Variants in GTF2IRD2B observed in about 807,000 individuals in gnomAD.
GTF2IRD2B encodes the protein general transcription factor II-I repeat domain-containing protein 2B.
A neutral mutation model predicts 55.6 loss-of-function variants in GTF2IRD2B; 10 were observed. The observed-to-expected ratio is 0.18, with a 90% CI of 0.11 to 0.31. The LOEUF (loss-of-function observed/expected upper bound fraction) is 0.31. Among genes scored for constraint, GTF2IRD2B ranks in the 10% least tolerant of loss-of-function variants. GTF2IRD2B has a pLI of 1.00. For missense variants in GTF2IRD2B, 206 were observed against 802.7 expected (o/e 0.26, Z 8.98); for synonymous variants, 107 against 320.5 (o/e 0.33, Z 7.12).
At chr7:75,105,834 A>C (rs1464322933) in intron 1 of GTF2IRD2B, among the ~76,000 whole-genome samples, 1 of 152,310 alleles carries the variant, frequency 6.6e-6, no homozygotes, top group Non-Finnish European at 1.5e-5. Flanking sequence ...GGTTGCACTA[A>C]AAGTCTGTTA....
intron 1 of GTF2IRD2B, among the ~76,000 whole-genome samples, chr7:75,101,459 GGAGGCT>G (rs1358036335): frequency 1.3e-5 from 2 of 151,192 alleles, no homozygotes; most frequent in Non-Finnish European, 3.0e-5. Flanking sequence ...TAGCTACTCT[GGAGGCT>G]GAGGCAGGAG....
At chr7:75,112,569 A>G (rs781788333) in intron 3 of GTF2IRD2B, 34 bp downstream of exon 3, 7 of 950,032 alleles carry the variant, frequency 7.4e-6, no homozygotes, top group South Asian at 4.3e-5. Flanking sequence ...TGTATTCCCA[A>G]TCTCAAAAGG....
At chr7:75,093,689 T>C (rs1178899719) in intron 1 of GTF2IRD2B, among the ~76,000 whole-genome samples, 1 of 152,186 alleles carries the variant, frequency 6.6e-6, no homozygotes, top group African/African-American at 2.4e-5. Context: ...CTTTCCTTCT[T>C]TATGGCTGAA....
At chr7:75,100,500 C>T (rs1439199142) in intron 1 of GTF2IRD2B, among the ~76,000 whole-genome samples, 4 of 152,356 alleles carry the variant, frequency 2.6e-5, no homozygotes, top group African/African-American at 7.2e-5. Context: ...GTGCATTTCA[C>T]ACACAACAAC....
intron 3 of GTF2IRD2B, chr7:75,112,775 A>G (rs1808016785): frequency 5.6e-6 from 3 of 535,688 alleles, no homozygotes; most frequent in African/African-American, 2.3e-5. Context: ...AATTTCAAGG[A>G]CATAGAACAA....
rs1275143118 is a variant in GTF2IRD2B at position 75,113,865 on chromosome 7, TGTG to T, written c.238+1331_238+1333del. The stretch of plus-strand genomic sequence containing the variant: ...ATGGATTGGCAGAGGGTATATAAAG[TGTG>T]TGTGTGTGTGTGTGTCTGTGTGTGT... On this transcript the variant is annotated intron_variant, in intron 3 of 15. Coordinates refer to ENST00000472837, the MANE Select transcript of GTF2IRD2B (RefSeq NM_001003795.3). 9.5e-5 allele frequency among the ~76,000 whole-genome samples: 13 copies of T among 136,930 alleles called. 1 individual carries two copies. The South Asian group carries it at 3.0e-3, about 32-fold the overall frequency. The allele number at this position is 136,930 out of a possible 152,430, so 89.8% of individuals were successfully genotyped here.
chr7:75,105,829 C>T (rs1402701108), intron 1 of GTF2IRD2B, among the ~76,000 whole-genome samples: 2 of 152,310 alleles, frequency 1.3e-5, no homozygotes, highest in African/African-American at 2.4e-5. Context: ...TTCTTGGTTG[C>T]ACTAAAAGTC....
At chr7:75,115,794 G>A (rs1554451246) in intron 3 of GTF2IRD2B, among the ~76,000 whole-genome samples, 1 of 151,540 alleles carries the variant, frequency 6.6e-6, no homozygotes, top group African/African-American at 2.4e-5. Flanking sequence ...GATTTTGATG[G>A]GGATTGCAAT....
chr7:75,116,640 C>CT (rs782017384), intron 3 of GTF2IRD2B, among the ~76,000 whole-genome samples: 73,173 of 116,888 alleles, frequency 0.63, 21,769 homozygotes, highest in East Asian at 0.84. Context: ...TTTGCCATTT[C>CT]TTTTTTTTTT....
At chr7:75,132,560 T>C (rs1328639253) in intron 8 of GTF2IRD2B, among the ~76,000 whole-genome samples, 2 of 124,536 alleles carry the variant, frequency 1.6e-5, no homozygotes, top group African/African-American at 3.5e-5. Context: ...TTTTTTTTTT[T>C]TTTTTTTTTT....
chr7:75,101,823 G>A (rs2938663), intron 1 of GTF2IRD2B, among the ~76,000 whole-genome samples: 69,047 of 138,100 alleles, frequency 0.5, 18,099 homozygotes, highest in East Asian at 0.87. Context: ...GAGCCCAGAA[G>A]GCAGAGGTTG....
At position 75,148,226 on chromosome 7, in the gene GTF2IRD2B, C is replaced by T. The variant is rs147320355; in HGVS notation, c.1779C>T (p.Asn593=). 21 of 1,613,856 alleles carry T rather than the reference C, an allele frequency of 1.3e-5. No individual in the cohort carries two copies. The highest frequency in any genetic ancestry group is 1.1e-4 in the East Asian group (5 of 44,882). The change falls in exon 16 of 16, where the codon AAC becomes AAT. Residue 593 remains asparagine, a synonymous_variant. Transcript: ENST00000472837. The part of the protein sequence containing the change: ...TVPMTGTKSG[N]EIFLRVEKSL... ...CCATGACGGGTACAAAATCTGGCAA[C>T]GAGATCTTTTTGCGTGTTGAGAAGA... is the stretch of plus-strand genomic sequence containing the variant.
chr7:75,109,496 GC>G, intron 2 of GTF2IRD2B, among the ~76,000 whole-genome samples: 1 of 106,306 alleles, frequency 9.4e-6, no homozygotes, highest in African/African-American at 2.8e-5. Context: ...CGGCCACTAC[GC>G]CCGGCTTATT....
chr7:75,142,146 GT>G (rs1809033444), intron 13 of GTF2IRD2B, among the ~76,000 whole-genome samples: 1 of 152,216 alleles, frequency 6.6e-6, no homozygotes, highest in African/African-American at 2.4e-5. Flanking sequence ...TTGTGTTGTT[GT>G]TTTTTTAATT....
chr7:75,124,090 G>A (rs201307822), intron 6 of GTF2IRD2B, among the ~76,000 whole-genome samples: 164 of 151,782 alleles, frequency 1.1e-3, no homozygotes, highest in South Asian at 7.1e-3. Flanking sequence ...AAAATTGGCC[G>A]GACGCAGTGG....
chr7:75,118,112 AAG>A (rs1193422734), intron 3 of GTF2IRD2B, among the ~76,000 whole-genome samples: 1 of 152,000 alleles, frequency 6.6e-6, no homozygotes, highest in Non-Finnish European at 1.5e-5. Flanking sequence ...AAAAGGAAGA[AAG>A]AAAATTGCAG....
At chr7:75,109,257 C>T (rs587716888) in intron 2 of GTF2IRD2B, among the ~76,000 whole-genome samples, 194 bp downstream of exon 2, 8 of 146,522 alleles carry the variant, frequency 5.5e-5, no homozygotes, top group Middle Eastern at 3.4e-3. Flanking sequence ...TGGGTTCAAG[C>T]AATTCTCCTG....
At position 75,149,055 on chromosome 7, in the gene GTF2IRD2B, A is replaced by G. The variant is rs1554454682; in HGVS notation, c.2608A>G (p.Ile870Val). ...SVHEELQMEVIDLQCNTVLKT... is the reference protein window; with the variant it reads ...SVHEELQMEVVDLQCNTVLKT... The stretch of plus-strand genomic sequence containing the variant: ...GCACGAGGAGCTCCAGATGGAGGTT[A>G]TCGACCTGCAATGCAACACGGTCCT... The change falls in exon 16 of 16, where the codon ATC becomes GTC. Residue 870 changes from isoleucine (I) to valine (V), a missense_variant. Ile to Val is a conservative substitution (Grantham distance 29). Transcript: ENST00000472837. The G allele has an allele frequency of 1.2e-6, 1 of 823,100 alleles. No homozygotes were observed. The highest frequency in any genetic ancestry group is 2.4e-5 in the East Asian group (1 of 41,280). The allele number at this position is 823,100 out of a possible 1,614,324, so 51.0% of individuals were successfully genotyped here. A position where few individuals can be genotyped will look rare whatever the true frequency, so the allele number is the denominator to read the frequency against.
chr7:75,115,927 T>TG (rs1454444741), intron 3 of GTF2IRD2B, among the ~76,000 whole-genome samples: 2 of 143,666 alleles, frequency 1.4e-5, no homozygotes, highest in African/African-American at 5.1e-5. Context: ...TCTTTTTTTT[T>TG]TTTTTTTTGA....
Sources: gnomAD v4.1 joint callset for allele counts (sites outside exome capture counted in the v4.1 genomes callset) on GRCh38, gnomAD v4.1.1 for gene constraint, MANE v1.5 for transcripts, NCBI Gene and HGNC (gene_info 2026-07-23, HGNC 2026-07-21) for gene names.